DIAPH2: variants seen among roughly 807,000 people sequenced by gnomAD.
DIAPH2 encodes diaphanous related formin 2.
Under a neutral mutation model 92.7 loss-of-function variants are expected in DIAPH2, and 35 were observed. The ratio of observed to expected loss-of-function variants is 0.38; its 90% confidence interval spans 0.29 to 0.50. The LOEUF (loss-of-function observed/expected upper bound fraction) is 0.50, where lower values mean the gene tolerates loss of function less well. DIAPH2 is among the 20% of genes least tolerant of loss of function. The pLI, the probability that DIAPH2 is intolerant of heterozygous loss-of-function variation, is 0.94. For synonymous variants in DIAPH2, 301 were observed against 280.4 expected (o/e 1.07, Z -0.73); for missense variants, 701 against 819.5 (o/e 0.86, Z 1.77).
At chrX:96,733,918 T>C (rs193218004) in intron 1 of DIAPH2, among the ~76,000 whole-genome samples, 20 of 111,957 alleles carry the variant, frequency 1.8e-4, no homozygotes, top group Admixed American at 1.4e-3. Flanking sequence ...ATGAGAGGCT[T>C]TGACTAGATT....
chrX:97,348,361 CT>C (rs2069177341), intron 24 of DIAPH2, 81 bp downstream of exon 24: 1 of 845,614 alleles, frequency 1.2e-6, no homozygotes, highest in African/African-American at 2.1e-5. Flanking sequence ...TTTTATGTTC[CT>C]ATTGACTATA....
intron 17 of DIAPH2, among the ~76,000 whole-genome samples, chrX:96,986,869 A>G (rs1479289747): frequency 2.7e-5 from 3 of 111,394 alleles, no homozygotes; most frequent in South Asian, 7.6e-4. Flanking sequence ...TAAACCATTC[A>G]ATAGACTTAA....
At chrX:97,507,141 CAAAAAAAAAAAA>C (rs397896097) in intron 26 of DIAPH2, among the ~76,000 whole-genome samples, 5 of 31,131 alleles carry the variant, frequency 1.6e-4, no homozygotes, top group African/African-American at 2.7e-4. Context: ...ACAAAACCGA[CAAAAAAAAAAAA>C]AAAAAAAAAA....
chrX:97,330,673 C>G (rs1271117887), intron 23 of DIAPH2, among the ~76,000 whole-genome samples: 1 of 110,006 alleles, frequency 9.1e-6, no homozygotes, highest in Non-Finnish European at 1.9e-5. Flanking sequence ...CCACCACGCC[C>G]AGCTAACTTT....
chrX:97,322,903 C>CTTTTTTTTT (rs1160046333), intron 23 of DIAPH2, among the ~76,000 whole-genome samples: 6 of 76,937 alleles, frequency 7.8e-5, no homozygotes, highest in Non-Finnish European at 1.5e-4. Context: ...TATCCCAGTT[C>CTTTTTTTTT]TTTTTTTTTT....
At chrX:96,979,817 T>G (rs1041551666) in intron 17 of DIAPH2, among the ~76,000 whole-genome samples, 2 of 111,687 alleles carry the variant, frequency 1.8e-5, no homozygotes, top group Non-Finnish European at 3.8e-5. Flanking sequence ...AACAGGAAAT[T>G]TTCCCAGACT....
intron 26 of DIAPH2, among the ~76,000 whole-genome samples, chrX:97,478,629 T>A (rs1307831603): frequency 8.9e-6 from 1 of 112,294 alleles, no homozygotes; most frequent in Non-Finnish European, 1.9e-5. Flanking sequence ...AAAGTGATGC[T>A]TTTCTACTTT....
At chrX:97,219,672 G>A (rs1289896531) in intron 22 of DIAPH2, among the ~76,000 whole-genome samples, 1 of 111,542 alleles carries the variant, frequency 9.0e-6, no homozygotes, top group African/African-American at 3.3e-5. Flanking sequence ...AGCTTCACAT[G>A]TTCCTTTCTT....
intron 23 of DIAPH2, among the ~76,000 whole-genome samples, chrX:97,286,262 G>T (rs1385601053): frequency 9.3e-6 from 1 of 107,802 alleles, no homozygotes; most frequent in Admixed American, 1.0e-4. Flanking sequence ...TGTTGGCCAC[G>T]CTGGTCTCAA....
intron 1 of DIAPH2, among the ~76,000 whole-genome samples, chrX:96,700,300 G>C (rs2063848031): frequency 8.9e-6 from 1 of 112,375 alleles, no homozygotes; most frequent in African/African-American, 3.2e-5. Context: ...CATGCATCTG[G>C]CCTGAATTTT....
rs183009127 is a variant in DIAPH2 at position 97,584,940 on chromosome X, C to A, written c.3242-14313C>A. On this transcript the variant is annotated intron_variant, in intron 26 of 26. Transcript: ENST00000324765. ...TGTTATGTCACAGTTCTCATATGTC[C>A]AGCTTGCCTAGACTGTTGTGTGAAA... Among the ~76,000 whole-genome samples the A allele has an allele frequency of 3.3e-3, 375 of 112,418 alleles. 3 individuals are homozygous for A. Among genetic ancestry groups the A allele is most frequent in the Middle Eastern group, 9.3e-3 (2 of 216 alleles).
chrX:97,229,251 C>CTACCATA (rs1191645350), intron 22 of DIAPH2, among the ~76,000 whole-genome samples: 1 of 111,786 alleles, frequency 8.9e-6, no homozygotes, highest in Non-Finnish European at 1.9e-5. Flanking sequence ...GCTCTGGGGA[C>CTACCATA]TTCAAATGTA....
At chrX:97,415,402 A>C (rs1369485521) in intron 25 of DIAPH2, among the ~76,000 whole-genome samples, 1 of 112,036 alleles carries the variant, frequency 8.9e-6, no homozygotes, top group Non-Finnish European at 1.9e-5. Context: ...ACACATGCAC[A>C]CGTTTGTTTA....
intron 17 of DIAPH2, among the ~76,000 whole-genome samples, chrX:97,060,495 G>T (rs1454587179): frequency 9.1e-6 from 1 of 110,130 alleles, no homozygotes; most frequent in African/African-American, 3.3e-5. Context: ...AGCTCTATCC[G>T]CAGTCTACAG....
intron 4 of DIAPH2, among the ~76,000 whole-genome samples, chrX:96,803,832 G>T (rs2064602725): frequency 9.0e-6 from 1 of 111,352 alleles, no homozygotes; most frequent in Non-Finnish European, 1.9e-5. Flanking sequence ...AAGGTCAGGA[G>T]TCCGAGACTA....
At chrX:97,498,621 C>G (rs1352771510) in intron 26 of DIAPH2, among the ~76,000 whole-genome samples, 1 of 111,091 alleles carries the variant, frequency 9.0e-6, no homozygotes, top group Non-Finnish European at 1.9e-5. Flanking sequence ...GTATATTGAG[C>G]CCTTACATCA....
intron 17 of DIAPH2, among the ~76,000 whole-genome samples, chrX:97,019,037 T>C (rs1346377229): frequency 8.9e-6 from 1 of 111,979 alleles, no homozygotes; most frequent in African/African-American, 3.2e-5. Context: ...GGTTGTTCCA[T>C]GTCTTCCAAT....
At chrX:96,724,169 G>A (rs1035412779) in intron 1 of DIAPH2, among the ~76,000 whole-genome samples, 4 of 110,166 alleles carry the variant, frequency 3.6e-5, no homozygotes, top group East Asian at 2.8e-4. Flanking sequence ...CAAGTGATCC[G>A]CCCGCCTCCG....
rs760856164 is a variant in DIAPH2 at position 97,099,810 on chromosome X, T to C, written c.2349+15T>C. On this transcript the variant is annotated intron_variant, in intron 20 of 26. Coordinates refer to ENST00000324765, the MANE Select transcript of DIAPH2 (RefSeq NM_006729.5). ...TTGGAGTTGTGGTATGTATCCAACA[T>C]GAGGGACCACAAACTCAGCTGGGAG... 2.0e-6 allele frequency: 2 copies of C among 1,016,288 alleles called. No homozygotes were observed. Among genetic ancestry groups the C allele is most frequent in the East Asian group, 3.4e-5 (1 of 29,451 alleles). 83.8% of individuals were successfully genotyped at this position (1,016,288 alleles called of 1,213,427 possible). A position where few individuals can be genotyped will look rare whatever the true frequency, so the allele number is the denominator to read the frequency against.
Sources: gnomAD v4.1 joint callset for allele counts (sites outside exome capture counted in the v4.1 genomes callset) on GRCh38, gnomAD v4.1.1 for gene constraint, MANE v1.5 for transcripts, NCBI Gene and HGNC (gene_info 2026-07-23, HGNC 2026-07-21) for gene names.